The following DSCAM variants were observed in gnomAD, a reference collection of about 807,000 sequenced individuals.
DSCAM encodes the protein DS cell adhesion molecule.
Under a neutral mutation model 217.7 loss-of-function variants are expected in DSCAM, and 47 were observed. The observed-to-expected ratio is 0.22, with a 90% CI of 0.17 to 0.28. DSCAM has a LOEUF of 0.28. DSCAM is among the 10% of genes least tolerant of loss of function. The pLI, the probability that DSCAM is intolerant of heterozygous loss-of-function variation, is 1.00. For missense variants in DSCAM, 2,080 were observed against 2,618.3 expected (o/e 0.79, Z 4.49); for synonymous variants, 1,056 against 1,015.3 (o/e 1.04, Z -0.76).
intron 10 of DSCAM, among the ~76,000 whole-genome samples, chr21:40,294,715 T>C (rs1332821204): frequency 2.0e-5 from 3 of 152,236 alleles, no homozygotes; most frequent in African/African-American, 7.2e-5. Flanking sequence ...ATATCAAATA[T>C]GCACTTCCAT....
intron 8 of DSCAM, among the ~76,000 whole-genome samples, chr21:40,318,124 G>T (rs1347506484): frequency 2.1e-5 from 3 of 143,474 alleles, no homozygotes; most frequent in Non-Finnish European, 4.5e-5. Context: ...TCATAGATGG[G>T]AATTGAACAA....
At chr21:40,222,398 GC>G (rs1385871754) in intron 11 of DSCAM, among the ~76,000 whole-genome samples, 36 of 152,172 alleles carry the variant, frequency 2.4e-4, no homozygotes, top group Non-Finnish European at 2.5e-4. Flanking sequence ...GTAGGAAAAG[GC>G]TGTTGATATG....
At chr21:40,487,636 T>C (rs558648762) in intron 3 of DSCAM, among the ~76,000 whole-genome samples, 1 of 152,020 alleles carries the variant, frequency 6.6e-6, no homozygotes. Context: ...GGGGAATCCA[T>C]TGGAAGGGCT....
At chr21:40,685,543 C>T (rs1005011016) in intron 3 of DSCAM, among the ~76,000 whole-genome samples, 1 of 152,216 alleles carries the variant, frequency 6.6e-6, no homozygotes, top group Admixed American at 6.5e-5. Flanking sequence ...CTTATCATGA[C>T]TCATTGCTGG....
At chr21:40,347,618 G>T in intron 6 of DSCAM, 52 bp downstream of exon 6, 3 of 1,606,726 alleles carry the variant, frequency 1.9e-6, no homozygotes, top group Non-Finnish European at 1.7e-6. Context: ...TTTTCTGAGT[G>T]CTCTGGGTTT....
intron 14 of DSCAM, among the ~76,000 whole-genome samples, chr21:40,179,601 A>G (rs1362383058): frequency 1.3e-5 from 2 of 152,224 alleles, no homozygotes; most frequent in Admixed American, 6.5e-5. Flanking sequence ...AGAGTGTGGT[A>G]AAAACAAGAT....
intron 1 of DSCAM, among the ~76,000 whole-genome samples, chr21:40,712,874 A>T (rs961347729): frequency 1.1e-4 from 16 of 152,140 alleles, no homozygotes; most frequent in African/African-American, 3.1e-4. Flanking sequence ...CGAGGTCCTG[A>T]TATAGAGAGA....
chr21:40,511,769 A>G (rs914475073), intron 3 of DSCAM, among the ~76,000 whole-genome samples: 11 of 151,916 alleles, frequency 7.2e-5, no homozygotes, highest in Admixed American at 1.3e-4. Context: ...AGGCGGGTGG[A>G]TCATGAGGTC....
At chr21:40,802,766 CAAG>C (rs1232808107) in intron 1 of DSCAM, among the ~76,000 whole-genome samples, 5 of 152,202 alleles carry the variant, frequency 3.3e-5, no homozygotes, top group Non-Finnish European at 5.9e-5. Context: ...TCCTCACCAG[CAAG>C]AAGACCTTCA....
chr21:40,578,835 T>C (rs1056470345), intron 3 of DSCAM, among the ~76,000 whole-genome samples: 1 of 152,304 alleles, frequency 6.6e-6, no homozygotes, highest in East Asian at 1.9e-4. Flanking sequence ...GGAATGGGGA[T>C]ACATAAAATG....
intron 1 of DSCAM, among the ~76,000 whole-genome samples, chr21:40,727,564 T>C (rs2146518817): frequency 6.6e-6 from 1 of 152,174 alleles, no homozygotes; most frequent in Non-Finnish European, 1.5e-5. Context: ...CATCAATAAG[T>C]CTCTTAGCTG....
At chr21:40,826,465 G>A (rs2091969908) in intron 1 of DSCAM, among the ~76,000 whole-genome samples, 2 of 152,224 alleles carry the variant, frequency 1.3e-5, no homozygotes, top group Admixed American at 1.3e-4. Context: ...TTGGAAAGAG[G>A]AGTGATGTAA....
At chr21:40,696,164 G>A (rs999744972) in intron 2 of DSCAM, among the ~76,000 whole-genome samples, 2 of 152,116 alleles carry the variant, frequency 1.3e-5, no homozygotes, top group African/African-American at 4.8e-5. Context: ...TGTGCTTGGT[G>A]TCATAAGTTA....
intron 3 of DSCAM, among the ~76,000 whole-genome samples, chr21:40,457,529 AAAACAAAC>A (rs34271830): frequency 1.1e-4 from 17 of 150,988 alleles, no homozygotes; most frequent in South Asian, 2.1e-4. Context: ...ATAATAAAAT[AAAACAAAC>A]AAACAAACAA....
chr21:40,676,136 A>C (rs961746522), intron 3 of DSCAM, among the ~76,000 whole-genome samples: 1 of 152,222 alleles, frequency 6.6e-6, no homozygotes, highest in Non-Finnish European at 1.5e-5. Context: ...AATCATCCAT[A>C]TCCTTACTAG....
chr21:40,221,320 T>C (rs2091287428), intron 11 of DSCAM, among the ~76,000 whole-genome samples: 1 of 151,828 alleles, frequency 6.6e-6, no homozygotes, highest in Non-Finnish European at 1.5e-5. Flanking sequence ...AGATCCAAGA[T>C]CTAGATAACC....
At chr21:40,680,429 C>G (rs2090387662) in intron 3 of DSCAM, among the ~76,000 whole-genome samples, 1 of 152,194 alleles carries the variant, frequency 6.6e-6, no homozygotes, top group Non-Finnish European at 1.5e-5. Context: ...GGTCTCACAA[C>G]TGTGCAGTAG....
intron 3 of DSCAM, among the ~76,000 whole-genome samples, chr21:40,570,963 A>G (rs1229872346): frequency 6.6e-6 from 1 of 152,218 alleles, no homozygotes; most frequent in African/African-American, 2.4e-5. Flanking sequence ...AAGAGACAAT[A>G]GCCAATATTT....
At chr21:40,099,250 T>C (rs2089720457) in intron 20 of DSCAM, among the ~76,000 whole-genome samples, 1 of 152,260 alleles carries the variant, frequency 6.6e-6, no homozygotes, top group African/African-American at 2.4e-5. Flanking sequence ...AATTTTTGCC[T>C]GTAACATAAT....
Sources: gnomAD v4.1 joint callset for allele counts (sites outside exome capture counted in the v4.1 genomes callset) on GRCh38, gnomAD v4.1.1 for gene constraint, MANE v1.5 for transcripts, NCBI Gene and HGNC (gene_info 2026-07-23, HGNC 2026-07-21) for gene names.